The following MADD variants were observed in gnomAD, a reference collection of about 807,000 sequenced individuals.
MADD encodes the protein MAP kinase activating death domain.
Under a neutral mutation model 176.7 loss-of-function variants are expected in MADD, and 109 were observed. The observed-to-expected ratio is 0.62, with a 90% CI of 0.53 to 0.72. The LOEUF (loss-of-function observed/expected upper bound fraction) is 0.72, where lower values mean the gene tolerates loss of function less well. Among genes scored for constraint, MADD ranks in the 30% least tolerant of loss-of-function variants. The pLI, the probability that MADD is intolerant of heterozygous loss-of-function variation, is 0.00. For missense variants in MADD, 1,914 were observed against 2,045.5 expected (o/e 0.94, Z 1.24); for synonymous variants, 771 against 771.3 (o/e 1.00, Z 0.01).
intron 1 of MADD, 113 bp downstream of exon 1, chr11:47,270,359 C>A (rs1195525505): frequency 8.6e-6 from 1 of 116,144 alleles, no homozygotes; most frequent in Admixed American, 9.1e-5. Context: ...TCAGGAGGCC[C>A]TGGGGGAGTG....
exon 26 of MADD, chr11:47,311,797 G>A (rs2089515847): frequency 2.5e-6 from 4 of 1,614,068 alleles, no homozygotes; most frequent in Non-Finnish European, 2.5e-6. Flanking sequence ...TTGGGCTTGT[G>A]TACAGCCAGC....
At chr11:47,297,144 T>C (rs1184252329) in intron 22 of MADD, among the ~76,000 whole-genome samples, 1 of 152,212 alleles carries the variant, frequency 6.6e-6, no homozygotes, top group Non-Finnish European at 1.5e-5. Flanking sequence ...GAGATGAGAA[T>C]GGATGTTCTC....
At chr11:47,327,490 T>C (rs1296493047) in intron 31 of MADD, 3 of 985,342 alleles carry the variant, frequency 3.0e-6, no homozygotes, top group Non-Finnish European at 3.6e-6. Flanking sequence ...GTCTCTGCCT[T>C]GGGCCCTGCC....
At chr11:47,327,579 C>T in intron 31 of MADD, 2 of 985,372 alleles carry the variant, frequency 2.0e-6, no homozygotes, top group Non-Finnish European at 2.4e-6. Flanking sequence ...CTCTTTCTTC[C>T]TACCTTGCCT....
intron 22 of MADD, among the ~76,000 whole-genome samples, chr11:47,296,771 T>TG (rs1303910728): frequency 6.7e-6 from 1 of 149,504 alleles, no homozygotes; most frequent in African/African-American, 2.5e-5. Context: ...GTTGTTTTTT[T>TG]TTTTTTTTTT....
rs2059093192 is a variant in MADD, at chr11:47,284,175, CA to C, written c.1863-2del. On this transcript the variant is annotated splice_acceptor_variant, in intron 10 of 32. Coordinates refer to ENST00000402192, the Ensembl canonical transcript of MADD. LOFTEE classifies it high-confidence loss of function. ...TTTGTTTTTTATGCACTTCACTCTG[CA>C]GTGGCAGTGATAGTATGGATTATGA... 1 of 1,602,010 alleles carries C rather than the reference CA, an allele frequency of 6.2e-7. No homozygotes were observed. Among genetic ancestry groups the C allele is most frequent in the Non-Finnish European group, 8.6e-7 (1 of 1,169,040 alleles).
intron 26 of MADD, 36 bp from the exon 30 acceptor site, chr11:47,315,184 T>A: frequency 7.8e-7 from 1 of 1,276,010 alleles, no homozygotes; most frequent in South Asian, 1.2e-5. Context: ...CTGAGAGGGA[T>A]GTATGACTGT....
chr11:47,296,142 A>G, intron 22 of MADD, 87 bp downstream of exon 24: 4 of 1,446,676 alleles, frequency 2.8e-6, no homozygotes, highest in Middle Eastern at 1.8e-4. Flanking sequence ...AAGAGACGCT[A>G]AAGAGGTAAA....
intron 28 of MADD, 83 bp from the exon 32 acceptor site, chr11:47,324,182 A>T (rs1329189760): frequency 2.4e-6 from 3 of 1,271,698 alleles, no homozygotes. Flanking sequence ...TTCAACCTCC[A>T]GCCTTCAGTG....
rs371860501 is a variant in MADD, at chr11:47,325,002, TGTGC to T, written c.4542+438_4542+441del. ...CTTTCTGGTGTGCGTGCAGCTTGCG[TGTGC>T]GTGCGTGCGTGCCTGCGTGCTTGTG... On this transcript the variant is annotated intron_variant, in intron 30 of 32. Coordinates refer to ENST00000402192, the Ensembl canonical transcript of MADD. This position sits in a 1 kb window ranked among gnomAD's most constrained non-coding sequence, Gnocchi z 4.5. 1.2e-4 allele frequency: 66 copies of T among 546,018 alleles called. No individual in the cohort carries two copies. The highest frequency in any genetic ancestry group is 1.5e-4 in the Non-Finnish European group (45 of 304,702). The allele number at this position is 546,018 out of a possible 1,614,324, so 33.8% of individuals were successfully genotyped here.
intron 7 of MADD, among the ~76,000 whole-genome samples, chr11:47,279,723 C>T (rs139300782): frequency 6.6e-6 from 1 of 152,012 alleles, no homozygotes; most frequent in Non-Finnish European, 1.5e-5. Context: ...TGTGGACCGT[C>T]TGGCTGCTTT....
chr11:47,328,605 G>A (rs905581162), intron 31 of MADD, 53 bp from the exon 36 acceptor site: 27 of 1,612,746 alleles, frequency 1.7e-5, no homozygotes, highest in South Asian at 7.7e-5. Context: ...AGCATGGCAC[G>A]ATTGCTCTTA....
intron 15 of MADD, among the ~76,000 whole-genome samples, chr11:47,286,991 G>C (rs1334108829): frequency 6.6e-6 from 1 of 152,134 alleles, no homozygotes; most frequent in African/African-American, 2.4e-5. Flanking sequence ...GGCTTAATGA[G>C]TGCGCCAGGT....
intron 22 of MADD, among the ~76,000 whole-genome samples, chr11:47,299,376 C>G (rs1275577806): frequency 6.6e-6 from 1 of 151,468 alleles, no homozygotes; most frequent in Non-Finnish European, 1.5e-5. Context: ...GATCTTTTAC[C>G]TCCTTCATAA....
exon 3 of MADD, chr11:47,275,154 A>T (rs1172829116): frequency 6.2e-7 from 1 of 1,611,544 alleles, no homozygotes; most frequent in African/African-American, 1.3e-5. Context: ...CTCGAGGCGT[A>T]CAAAGGTACA....
At chr11:47,297,446 TTTTC>T (rs1467054603) in intron 22 of MADD, among the ~76,000 whole-genome samples, 1 of 151,374 alleles carries the variant, frequency 6.6e-6, no homozygotes. Context: ...TTTTCTTTTC[TTTTC>T]TTTTTTTTTT....
intron 2 of MADD, 145 bp downstream of exon 2, chr11:47,274,121 G>A (rs1426998480): frequency 4.1e-6 from 3 of 735,058 alleles, no homozygotes; most frequent in South Asian, 1.9e-5. Context: ...AAGCCAGTAG[G>A]GAAAAAACAA....
At chr11:47,307,628 C>T (rs556337684) in intron 22 of MADD, among the ~76,000 whole-genome samples, 1 of 152,026 alleles carries the variant, frequency 6.6e-6, no homozygotes, top group South Asian at 2.1e-4. Context: ...TTACCTACCT[C>T]TGATCTAGTT....
intron 5 of MADD, among the ~76,000 whole-genome samples, chr11:47,277,846 A>C (rs150325017): frequency 6.6e-6 from 1 of 152,216 alleles, no homozygotes; most frequent in Admixed American, 6.5e-5. Context: ...CACTTCAGAT[A>C]TGATCAAGCT....
Sources: allele counts gnomAD v4.1 joint callset (sites outside exome capture counted in the v4.1 genomes callset), GRCh38; gene constraint gnomAD v4.1.1; non-coding constraint Gnocchi (gnomAD v3.1); transcripts MANE v1.5; gene names NCBI Gene and HGNC (gene_info 2026-07-23, HGNC 2026-07-21).